The following SUCO variants were observed in gnomAD, a reference collection of about 807,000 sequenced individuals.
The protein encoded by SUCO is SUN domain containing ossification factor.
SUCO carries 57 observed loss-of-function variants against 148.1 expected under a neutral mutation model. That is an observed-to-expected ratio of 0.38 (90% CI 0.31 to 0.48). The LOEUF (loss-of-function observed/expected upper bound fraction) is 0.48. Ranked by LOEUF, SUCO falls within the 20% of genes least tolerant of loss-of-function variation. The pLI is 0.96. For missense variants in SUCO, 1,331 were observed against 1,468.2 expected (o/e 0.91, Z 1.53); for synonymous variants, 470 against 502.7 (o/e 0.93, Z 0.87).
At chr1:172,546,921 T>G (rs540112699) in intron 1 of SUCO, among the ~76,000 whole-genome samples, 16 of 152,132 alleles carry the variant, frequency 1.1e-4, no homozygotes, top group Non-Finnish European at 2.2e-4. Context: ...AAATAAATTA[T>G]GTACAGCGAA....
intron 19 of SUCO, among the ~76,000 whole-genome samples, chr1:172,598,498 G>A (rs1252396650): frequency 1.3e-5 from 2 of 152,174 alleles, no homozygotes; most frequent in Non-Finnish European, 2.9e-5. Context: ...GATTGAGATT[G>A]TGTTGATGAA....
Position 172,533,449 on chromosome 1 carries a change from G to T in SUCO, c.14G>T (p.Arg5Leu). Residue 5 changes from arginine to leucine, a missense_variant, in exon 1 of 24, where the codon CGG becomes CTG. Transcript: ENST00000263688. The stretch of plus-strand genomic sequence containing the variant: ...AAGGAGGAGAAGATGAAGAAGCACC[G>T]GCGGGCCTTGGCCCTGGTCTCCTGC... MKKH[R>L]RALALVSCLF... The T allele has an allele frequency of 6.4e-7, 1 of 1,564,750 alleles. No homozygotes were observed. The highest frequency in any genetic ancestry group is 1.2e-5 in the South Asian group (1 of 85,048).
intron 19 of SUCO, among the ~76,000 whole-genome samples, 181 bp downstream of exon 19, chr1:172,591,252 T>G (rs1247443823): frequency 6.6e-6 from 1 of 152,116 alleles, no homozygotes; most frequent in Non-Finnish European, 1.5e-5. Context: ...ATCATTATCT[T>G]CTGTAGAGAA....
intron 7 of SUCO, chr1:172,569,434 T>A (rs964569811): frequency 1.3e-4 from 130 of 980,566 alleles, no homozygotes; most frequent in South Asian, 1.4e-4. Flanking sequence ...TGGAAACTAT[T>A]TTAAAATTCA....
At chr1:172,567,999 T>TCATA (rs1654682741) in intron 6 of SUCO, among the ~76,000 whole-genome samples, 1 of 152,218 alleles carries the variant, frequency 6.6e-6, no homozygotes, top group Non-Finnish European at 1.5e-5. Flanking sequence ...CTGCCTCCTG[T>TCATA]CATATCAGTG....
intron 6 of SUCO, among the ~76,000 whole-genome samples, chr1:172,562,744 G>A (rs556546256): frequency 3.9e-4 from 59 of 152,188 alleles, no homozygotes; most frequent in African/African-American, 1.4e-3. Context: ...ACCTTGTCAC[G>A]ACATAACACA....
upstream of SUCO, chr1:172,532,868 A>G (rs1651691463): frequency 2.0e-6 from 3 of 1,506,718 alleles, no homozygotes; most frequent in South Asian, 1.3e-5. Context: ...CAAGCCAGCA[A>G]GTGGGCGGGA....
chr1:172,556,897 A>G (rs1242565865), intron 4 of SUCO: 1 of 937,572 alleles, frequency 1.1e-6, no homozygotes, highest in East Asian at 1.2e-4. Context: ...TTTATATTTT[A>G]AAAACGAAAT....
Position 172,610,350 on chromosome 1 carries a change from A to G in SUCO, c.*91A>G. 9.7e-6 allele frequency: 14 copies of G among 1,444,712 alleles called. No homozygotes were observed. The highest frequency in any genetic ancestry group is 1.3e-5 in the Non-Finnish European group (14 of 1,097,622). 89.5% of individuals were successfully genotyped at this position (1,444,712 alleles called of 1,614,324 possible). A position where few individuals can be genotyped will look rare whatever the true frequency, so the allele number is the denominator to read the frequency against. ...TTTGAAGGGTTTGGGGGAGGGAGAA[A>G]ATATTAATGGGAAAGGCATTCAGAA... On this transcript the variant is annotated 3_prime_UTR_variant, in exon 24 of 24. Coordinates refer to ENST00000263688, the MANE Select transcript of SUCO (RefSeq NM_014283.5).
At chr1:172,582,700 C>T (rs1298964601) in intron 15 of SUCO, among the ~76,000 whole-genome samples, 1 of 151,998 alleles carries the variant, frequency 6.6e-6, no homozygotes, top group South Asian at 2.1e-4. Context: ...ATAGAATATT[C>T]ACAATTCTGC....
intron 6 of SUCO, 43 bp from the exon 7 acceptor site, chr1:172,568,976 A>G (rs1232351099): frequency 6.7e-7 from 1 of 1,503,508 alleles, no homozygotes; most frequent in Non-Finnish European, 8.9e-7. Context: ...TATTTGTATT[A>G]TTTGAAAGTT....
chr1:172,568,568 C>A, intron 6 of SUCO: 1 of 459,578 alleles, frequency 2.2e-6, no homozygotes, highest in Non-Finnish European at 2.9e-6. Flanking sequence ...TTTAATTTGC[C>A]TTAAAATTTT....
chr1:172,569,991 T>G (rs1272949182), intron 7 of SUCO, 56 bp from the exon 8 acceptor site: 2 of 1,300,728 alleles, frequency 1.5e-6, no homozygotes, highest in African/African-American at 1.5e-5. Context: ...AGAGGTATTT[T>G]CAGTCATAAT....
chr1:172,572,743 CTAAA>C (rs1655138032), intron 9 of SUCO, among the ~76,000 whole-genome samples: 1 of 117,276 alleles, frequency 8.5e-6, no homozygotes, highest in African/African-American at 3.2e-5. Context: ...GGGGGCAGTG[CTAAA>C]AAGGAGTATG....
intron 6 of SUCO, 64 bp downstream of exon 6, chr1:172,557,858 CTT>C (rs1653865062): frequency 7.8e-7 from 1 of 1,285,878 alleles, no homozygotes; most frequent in South Asian, 1.5e-5. Flanking sequence ...ATTAGCTAAG[CTT>C]ATAATAATTT....
intron 19 of SUCO, among the ~76,000 whole-genome samples, chr1:172,597,903 T>C (rs1217914872): frequency 1.3e-5 from 2 of 152,260 alleles, no homozygotes; most frequent in Non-Finnish European, 2.9e-5. Flanking sequence ...CCCAATCCAT[T>C]ACTTGTTTTC....
In SUCO at chr1:172,533,365, A is replaced by C. The variant is rs1251636642; in HGVS notation, c.-71A>C. On this transcript the variant is annotated 5_prime_UTR_variant, in exon 1 of 24. Transcript: ENST00000263688. ...CTCGCGCTCCTGCTCCGGCTCCTCC[A>C]TCTTGGCCTCGGCAGTGGCGGCTGC... 1 of 1,551,780 alleles carries C rather than the reference A, an allele frequency of 6.4e-7. No individual in the cohort carries two copies. The highest frequency in any genetic ancestry group is 8.7e-7 in the Non-Finnish European group (1 of 1,147,058).
intron 17 of SUCO, 104 bp downstream of exon 17, chr1:172,586,052 T>TC (rs1656216884): frequency 1.5e-6 from 1 of 681,678 alleles, no homozygotes; most frequent in Admixed American, 3.0e-5. Flanking sequence ...TGATTACCTG[T>TC]AGAGAGCTCT....
At chr1:172,555,177 A>G (rs957678976) in intron 3 of SUCO, among the ~76,000 whole-genome samples, 1 of 152,228 alleles carries the variant, frequency 6.6e-6, no homozygotes, top group Non-Finnish European at 1.5e-5. Context: ...CATTTATGGT[A>G]TAGTTGAAGA....
Sources: gnomAD v4.1 joint callset for allele counts (sites outside exome capture counted in the v4.1 genomes callset) on GRCh38, gnomAD v4.1.1 for gene constraint, MANE v1.5 for transcripts, NCBI Gene and HGNC (gene_info 2026-07-23, HGNC 2026-07-21) for gene names.